CPAP: variants seen among roughly 807,000 people sequenced by gnomAD.
CPAP encodes the protein centrosome assembly and centriole elongation protein.
At chr13:24,933,206 A>G in the CPAP span, 3 of 1,151,564 alleles carry the variant, frequency 2.6e-6, no homozygotes, top group Non-Finnish European at 3.9e-6. Flanking sequence ...GGTCATGGTT[A>G]GAAGAGGAAA....
the CPAP span, among the ~76,000 whole-genome samples, chr13:24,894,733 G>T: frequency 6.6e-6 from 1 of 152,148 alleles, no homozygotes; most frequent in Admixed American, 6.5e-5. Flanking sequence ...GGCGGAGGGT[G>T]GGCTCCGTGG....
chr13:24,932,183 C>T, the CPAP span, among the ~76,000 whole-genome samples: 35 of 152,368 alleles, frequency 2.3e-4, 2 homozygotes, highest in East Asian at 6.4e-3. Context: ...ACCCCCAAAC[C>T]GACACGGGAC....
chr13:24,883,131 A>AACAT, the CPAP span: 3 of 1,478,298 alleles, frequency 2.0e-6, no homozygotes, highest in African/African-American at 1.4e-5. Flanking sequence ...TACATTTTTT[A>AACAT]ACATAAAAAG....
chr13:24,916,288 C>A, the CPAP span, among the ~76,000 whole-genome samples: 1 of 151,936 alleles, frequency 6.6e-6, no homozygotes, highest in African/African-American at 2.4e-5. Context: ...CAATTCTAGA[C>A]TTTATCAATA....
chr13:24,908,246 G>C, the CPAP span: 1 of 686,934 alleles, frequency 1.5e-6, no homozygotes, highest in Non-Finnish European at 2.5e-6. Context: ...GTATATCACA[G>C]ATTTTACAAC....
At chr13:24,925,035 G>A in the CPAP span, among the ~76,000 whole-genome samples, 2 of 152,206 alleles carry the variant, frequency 1.3e-5, no homozygotes, top group Admixed American at 1.3e-4. Flanking sequence ...TTAACTGTTG[G>A]TGAACTCTTG....
the CPAP span, chr13:24,899,386 C>A: frequency 6.4e-7 from 1 of 1,554,952 alleles, no homozygotes; most frequent in Non-Finnish European, 8.9e-7. Flanking sequence ...CCTTTACTAA[C>A]TTACATGAAT....
the CPAP span, among the ~76,000 whole-genome samples, chr13:24,920,434 G>A: frequency 6.6e-6 from 1 of 152,076 alleles, no homozygotes; most frequent in East Asian, 1.9e-4. Context: ...GATTTTCTTG[G>A]AACAAGATGA....
the CPAP span, among the ~76,000 whole-genome samples, chr13:24,908,805 C>A: frequency 1.3e-5 from 2 of 152,070 alleles, no homozygotes; most frequent in East Asian, 1.9e-4. Flanking sequence ...CTGGGGGAAT[C>A]CCAAAATGGA....
chr13:24,923,994 A>G, the CPAP span, among the ~76,000 whole-genome samples: 1 of 151,792 alleles, frequency 6.6e-6, no homozygotes, highest in Non-Finnish European at 1.5e-5. Flanking sequence ...ACGCCTGGCT[A>G]ATTTTTTTAT....
At chr13:24,895,303 T>C in the CPAP span, among the ~76,000 whole-genome samples, 2 of 152,192 alleles carry the variant, frequency 1.3e-5, no homozygotes, top group Non-Finnish European at 2.9e-5. Context: ...AGGCCGGGTG[T>C]GGTGGCTCAC....
chr13:24,926,029 G>C, the CPAP span: 1 of 152,362 alleles, frequency 6.6e-6, no homozygotes, highest in East Asian at 1.9e-4. Flanking sequence ...GTGCCAAGCA[G>C]TCCCCTAGCT....
chr13:24,891,326 A>C, the CPAP span, among the ~76,000 whole-genome samples: 5 of 151,730 alleles, frequency 3.3e-5, no homozygotes, highest in East Asian at 3.9e-4. Flanking sequence ...GCTGTATCAC[A>C]CATTGAGACG....
At chr13:24,909,816 TTTAAA>T in the CPAP span, 2 of 1,613,214 alleles carry the variant, frequency 1.2e-6, no homozygotes, top group South Asian at 2.2e-5. Context: ...GTTTTCTTCT[TTTAAA>T]TTATTTTTTT....
the CPAP span, among the ~76,000 whole-genome samples, chr13:24,923,577 A>G: frequency 6.6e-6 from 1 of 152,192 alleles, no homozygotes. Flanking sequence ...AAGTTACAGC[A>G]CCGTGAGTTA....
chr13:24,884,694 A>T, the CPAP span, among the ~76,000 whole-genome samples: 1 of 152,146 alleles, frequency 6.6e-6, no homozygotes, highest in Non-Finnish European at 1.5e-5. Context: ...CTTATCAACA[A>T]TTTGTTACCC....
At chr13:24,922,037 G>C in the CPAP span, among the ~76,000 whole-genome samples, 1 of 152,156 alleles carries the variant, frequency 6.6e-6, no homozygotes, top group African/African-American at 2.4e-5. Flanking sequence ...AAAATCTGAA[G>C]GACACGGGTG....
chr13:24,907,586 A>T, the CPAP span, among the ~76,000 whole-genome samples: 2 of 152,194 alleles, frequency 1.3e-5, no homozygotes, highest in Non-Finnish European at 2.9e-5. Context: ...TATATTAAAA[A>T]TTTTGAAATA....
At chr13:24,909,135 A>C in the CPAP span, among the ~76,000 whole-genome samples, 6 of 152,232 alleles carry the variant, frequency 3.9e-5, no homozygotes, top group Admixed American at 2.6e-4. Context: ...TAGATGTTTG[A>C]AATTTTCCAA....
Sources: allele counts gnomAD v4.1 joint callset (sites outside exome capture counted in the v4.1 genomes callset), GRCh38; gene constraint gnomAD v4.1.1; transcripts MANE v1.5; gene names NCBI Gene and HGNC (gene_info 2026-07-23, HGNC 2026-07-21).